Variants in DNAH5 observed in about 807,000 individuals in gnomAD.
DNAH5 encodes dynein axonemal heavy chain 5, also known as axonemal beta dynein heavy chain 5.
A neutral mutation model predicts 518.2 loss-of-function variants in DNAH5; 372 were observed. That is an observed-to-expected ratio of 0.72 (90% CI 0.66 to 0.78). The LOEUF (loss-of-function observed/expected upper bound fraction) is 0.78, where lower values mean the gene tolerates loss of function less well. DNAH5 is among the 30% of genes least tolerant of loss of function. The pLI, the probability that DNAH5 is intolerant of heterozygous loss-of-function variation, is 0.00. For synonymous variants in DNAH5, 2,039 were observed against 2,025.9 expected (o/e 1.01, Z -0.17); for missense variants, 5,523 against 5,687.0 (o/e 0.97, Z 0.93).
chr5:13,937,129 T>C (rs925970091), intron 1 of DNAH5, among the ~76,000 whole-genome samples: 1 of 151,678 alleles, frequency 6.6e-6, no homozygotes, highest in Non-Finnish European at 1.5e-5. Flanking sequence ...AGTGGCAGGG[T>C]TGGGAATCAA....
At chr5:13,753,577 A>G in intron 62 of DNAH5, 28 bp from the exon 63 acceptor site, 1 of 1,573,138 alleles carries the variant, frequency 6.4e-7, no homozygotes, top group Non-Finnish European at 8.7e-7. Flanking sequence ...CACCATTGAA[A>G]TACTTTACGT....
chr5:13,979,127 A>G (rs1251709334), intron 1 of DNAH5, among the ~76,000 whole-genome samples: 1 of 150,890 alleles, frequency 6.6e-6, no homozygotes, highest in Non-Finnish European at 1.5e-5. Context: ...CACCACCTAC[A>G]CTCCAACCTA....
chr5:13,909,584 C>G (rs75278631), intron 12 of DNAH5, among the ~76,000 whole-genome samples: 4,054 of 152,160 alleles, frequency 0.027, 188 homozygotes, highest in African/African-American at 0.091. Flanking sequence ...GTAATGTTTT[C>G]CAGGCCTGAT....
At chr5:13,981,789 GA>G (rs1782690112) in intron 1 of DNAH5, among the ~76,000 whole-genome samples, 1 of 152,180 alleles carries the variant, frequency 6.6e-6, no homozygotes, top group African/African-American at 2.4e-5. Flanking sequence ...TCAAGGAGGG[GA>G]AAGAAGAGTT....
At chr5:13,730,549 C>T (rs1746346532) in intron 68 of DNAH5, among the ~76,000 whole-genome samples, 1 of 152,082 alleles carries the variant, frequency 6.6e-6, no homozygotes, top group Non-Finnish European at 1.5e-5. Flanking sequence ...ATTCTCCTGC[C>T]TCAGCCTCCT....
intron 75 of DNAH5, among the ~76,000 whole-genome samples, chr5:13,713,258 G>A (rs941453198): frequency 1.7e-4 from 22 of 131,330 alleles, no homozygotes; most frequent in African/African-American, 4.0e-4. Context: ...TATATATACC[G>A]ACATATATAT....
intron 47 of DNAH5, among the ~76,000 whole-genome samples, chr5:13,795,319 GAA>G (rs1169343084): frequency 6.6e-6 from 1 of 151,508 alleles, no homozygotes; most frequent in African/African-American, 2.4e-5. Flanking sequence ...TAATAAAGAA[GAA>G]AAGAGAGAAA....
At chr5:13,873,876 T>G (rs1487164993) in intron 22 of DNAH5, among the ~76,000 whole-genome samples, 1 of 152,186 alleles carries the variant, frequency 6.6e-6, no homozygotes, top group East Asian at 1.9e-4. Flanking sequence ...ATTTCAGAGT[T>G]ACATCTGCAT....
Position 13,985,657 on chromosome 5 carries a change from A to G in DNAH5, c.12+25991T>C, listed in dbSNP as rs77271276. The stretch of plus-strand genomic sequence containing the variant: ...ATTTGTTACAACAGCCAAAGGAAGC[A>G]TATACCCCTGGCAAAACTGACCAGC... On this transcript the variant is annotated intron_variant, in intron 1 of 78. Coordinates refer to the DNAH5 transcript ENST00000681290. Among the ~76,000 whole-genome samples the G allele has an allele frequency of 8.5e-3, 1,301 of 152,208 alleles. 20 individuals are homozygous for G. The highest frequency in any genetic ancestry group is 0.03 in the African/African-American group (1,236 of 41,526).
At position 13,885,328 on chromosome 5, in the gene DNAH5, T is replaced by G. The variant is rs1772259161; in HGVS notation, c.2744-100A>C. On this transcript the variant is annotated intron_variant, in intron 18 of 78. Coordinates refer to ENST00000265104, the MANE Select transcript of DNAH5 (RefSeq NM_001369.3). ...AGATAGATAGAATCATCTGTTGCAATTAAAGGATAAATTACATGCAAGTTT... is the reference window on the plus strand; with the variant it reads ...AGATAGATAGAATCATCTGTTGCAAGTAAAGGATAAATTACATGCAAGTTT... 5 of 1,430,232 alleles carry G rather than the reference T, an allele frequency of 3.5e-6. No homozygotes were observed. In the Admixed American group the frequency reaches 7.3e-5, roughly 21 times the overall value. 88.6% of individuals were successfully genotyped at this position (1,430,232 alleles called of 1,614,324 possible).
chr5:13,974,012 G>C (rs1782056149), intron 1 of DNAH5, among the ~76,000 whole-genome samples: 1 of 151,922 alleles, frequency 6.6e-6, no homozygotes, highest in Non-Finnish European at 1.5e-5. Context: ...TCAAACTTTT[G>C]CCTTCCTTTA....
chr5:13,903,212 A>T (rs1774891982), intron 12 of DNAH5, among the ~76,000 whole-genome samples: 1 of 152,208 alleles, frequency 6.6e-6, no homozygotes, highest in South Asian at 2.1e-4. Context: ...TTCAAAATAC[A>T]ATAGATGCAA....
chr5:13,824,327 A>G lies in DNAH5; in HGVS notation c.6451T>C (p.Tyr2151His). 6.2e-7 allele frequency: 1 copy of G among 1,614,110 alleles called. No homozygotes were observed. Among genetic ancestry groups the G allele is most frequent in the Non-Finnish European group, 8.5e-7 (1 of 1,179,988 alleles). ...CEEQLSKQVH[Y>H]DFGLRNILSV... ...AGAATGTTACGCAGGCCAAAGTCAT[A>G]ATGAACCTAGAGAATGTGAGATACA... Residue 2151 changes from tyrosine (Y) to histidine (H), a missense_variant, in exon 39 of 79, where the codon TAT (tyrosine) becomes CAT (histidine). This residue lies in a region of DNAH5 where 5,121 missense variants were observed against 5,223.3 expected (regional missense o/e 0.98). Coordinates refer to ENST00000265104, the MANE Select transcript of DNAH5 (RefSeq NM_001369.3).
At chr5:13,974,976 C>A (rs76614703) in intron 1 of DNAH5, among the ~76,000 whole-genome samples, 3 of 152,114 alleles carry the variant, frequency 2.0e-5, no homozygotes, top group Non-Finnish European at 1.5e-5. Flanking sequence ...TGATGAGGCA[C>A]AGACTGGCCC....
chr5:13,950,496 G>A (rs1173798524), intron 1 of DNAH5, among the ~76,000 whole-genome samples: 2 of 151,902 alleles, frequency 1.3e-5, no homozygotes, highest in Non-Finnish European at 2.9e-5. Flanking sequence ...GGCTGGTCTC[G>A]AACTCCTGAC....
rs562339718 is a variant in DNAH5, at chr5:14,011,568, C to A, written c.12+80G>T. On this transcript the variant is annotated intron_variant, in intron 1 of 78. Transcript: ENST00000681290. The stretch of plus-strand genomic sequence containing the variant: ...GCCGCCAACCCCGCGAGCCAGGGAA[C>A]CCCGGGCCGCTCGGCCGCGCATGCG... Among the ~76,000 whole-genome samples the A allele has an allele frequency of 6.6e-5, 10 of 152,274 alleles. No homozygotes were observed. The South Asian group carries it at 2.1e-3, about 32-fold the overall frequency.
intron 61 of DNAH5, 49 bp downstream of exon 61, chr5:13,758,797 G>A: frequency 6.2e-7 from 1 of 1,613,464 alleles, no homozygotes; most frequent in South Asian, 1.1e-5. Flanking sequence ...CTTGGAGAGA[G>A]AAGCCGTGTA....
chr5:13,791,346 A>G (rs576803602), intron 50 of DNAH5, among the ~76,000 whole-genome samples: 4 of 152,332 alleles, frequency 2.6e-5, no homozygotes, highest in African/African-American at 9.6e-5. Context: ...GCTTTGGAAC[A>G]AAAGCATACT....
At chr5:13,990,688 G>T (rs9312856) in intron 1 of DNAH5, among the ~76,000 whole-genome samples, 45,946 of 151,746 alleles carry the variant, frequency 0.3, 7,226 homozygotes, top group East Asian at 0.61. Context: ...GCCAACATGG[G>T]GAAACCCCAT....
Sources: allele counts gnomAD v4.1 joint callset (sites outside exome capture counted in the v4.1 genomes callset), GRCh38; gene constraint gnomAD v4.1.1; regional missense constraint gnomAD v4.1.1; transcripts MANE v1.5; gene names NCBI Gene and HGNC (gene_info 2026-07-23, HGNC 2026-07-21).